RBFOX1: variants seen among roughly 807,000 people sequenced by gnomAD.
RBFOX1 encodes RNA binding fox-1 homolog 1.
RBFOX1 carries 8 observed loss-of-function variants against 57.7 expected under a neutral mutation model. The ratio of observed to expected loss-of-function variants is 0.14; its 90% confidence interval spans 0.08 to 0.25. The LOEUF is 0.25. RBFOX1 is among the 10% of genes least tolerant of loss of function. RBFOX1 has a pLI of 1.00. For missense variants in RBFOX1, 611 were observed against 548.5 expected (o/e 1.11, Z -1.14); for synonymous variants, 326 against 222.4 (o/e 1.47, Z -4.15).
chr16:6,175,154 G>A (rs72774564), intron 1 of RBFOX1, among the ~76,000 whole-genome samples: 5,541 of 152,238 alleles, frequency 0.036, 141 homozygotes, highest in Admixed American at 0.078. Context: ...CTGTGAGTCC[G>A]TGACTACAGC....
intron 4 of RBFOX1, among the ~76,000 whole-genome samples, chr16:7,396,491 T>C (rs2098141144): frequency 2.0e-5 from 3 of 152,320 alleles, no homozygotes; most frequent in African/African-American, 7.2e-5. Flanking sequence ...ACGTCCTGAT[T>C]CATAAGTGGA....
At chr16:6,965,806 A>G (rs904948902) in intron 3 of RBFOX1, among the ~76,000 whole-genome samples, 1 of 152,142 alleles carries the variant, frequency 6.6e-6, no homozygotes, top group Non-Finnish European at 1.5e-5. Flanking sequence ...TTCATTAGTC[A>G]GTCTTTTAAT....
At chr16:5,622,236 A>G (rs192713947) in intron 3 of RBFOX1, among the ~76,000 whole-genome samples, 22 of 152,310 alleles carry the variant, frequency 1.4e-4, no homozygotes, top group Admixed American at 1.4e-3. Flanking sequence ...TATGATGCCA[A>G]AGCTCCAAGT....
chr16:6,609,468 C>G (rs572310665), intron 2 of RBFOX1, among the ~76,000 whole-genome samples: 21 of 152,150 alleles, frequency 1.4e-4, no homozygotes, highest in African/African-American at 4.6e-4. Flanking sequence ...CTCAGCCTCC[C>G]GAGTAACTGG....
At chr16:5,917,064 C>CT (rs2058719813) in intron 4 of RBFOX1, among the ~76,000 whole-genome samples, 1 of 152,126 alleles carries the variant, frequency 6.6e-6, no homozygotes, top group Non-Finnish European at 1.5e-5. Context: ...TCACCGCACC[C>CT]TGCAGGCGTG....
intron 4 of RBFOX1, among the ~76,000 whole-genome samples, chr16:7,145,437 C>T (rs1426804123): frequency 6.6e-6 from 1 of 152,166 alleles, no homozygotes; most frequent in Non-Finnish European, 1.5e-5. Flanking sequence ...GAACTCCTGA[C>T]TTGAAGTGAT....
chr16:6,275,434 T>G (rs2075698823), intron 1 of RBFOX1, among the ~76,000 whole-genome samples: 1 of 152,208 alleles, frequency 6.6e-6, no homozygotes, highest in African/African-American at 2.4e-5. Context: ...TTCAGAATGT[T>G]TTCACACACC....
At chr16:7,461,173 C>T (rs561381295) in intron 4 of RBFOX1, among the ~76,000 whole-genome samples, 1 of 149,780 alleles carries the variant, frequency 6.7e-6, no homozygotes, top group African/African-American at 2.5e-5. Flanking sequence ...AAAGGCAAAA[C>T]AATTTTTTTT....
chr16:7,448,198 A>G (rs2098823349), intron 4 of RBFOX1, among the ~76,000 whole-genome samples: 1 of 152,228 alleles, frequency 6.6e-6, no homozygotes, highest in African/African-American at 2.4e-5. Context: ...TTAAAATAAC[A>G]GAAACTTATT....
At chr16:5,680,895 G>T (rs531712710) in intron 3 of RBFOX1, among the ~76,000 whole-genome samples, 1 of 87,366 alleles carries the variant, frequency 1.1e-5, no homozygotes, top group Non-Finnish European at 2.3e-5. Flanking sequence ...GCTTGTATTT[G>T]TGTGTGTGTG....
In RBFOX1 at chr16:7,033,892, C is replaced by T. The variant is rs1469680305; in HGVS notation, c.-15-18165C>T. ...GCTGGGGCAGGAGGATTATTTGAGC[C>T]TGGGAAGTTCAAGCTGCAGTGAGCT... On this transcript the variant is annotated intron_variant, in intron 3 of 15. Transcript: ENST00000550418. Among the ~76,000 whole-genome samples, 5 of 152,302 alleles carry T rather than the reference C, an allele frequency of 3.3e-5. 1 individual carries two copies. Among genetic ancestry groups the T allele is most frequent in the Middle Eastern group, 6.8e-3 (2 of 294 alleles).
chr16:7,224,248 C>G lies in RBFOX1; in HGVS notation c.27+172150C>G, dbSNP rs375592217. 1.0e-4 allele frequency among the ~76,000 whole-genome samples: 15 copies of G among 146,978 alleles called. No homozygotes were observed. In the East Asian group the frequency reaches 3.1e-3, roughly 30 times the overall value. The stretch of plus-strand genomic sequence containing the variant: ...TGCCATTCCAGTTATAAAATGGCTT[C>G]TTTTAGTCATCGTACAAGCCAGCAG... On this transcript the variant is annotated intron_variant, in intron 4 of 15. Coordinates refer to ENST00000550418, the MANE Select transcript of RBFOX1 (RefSeq NM_018723.4).
At chr16:7,028,283 C>T (rs1431705899) in intron 3 of RBFOX1, among the ~76,000 whole-genome samples, 1 of 152,110 alleles carries the variant, frequency 6.6e-6, no homozygotes, top group Non-Finnish European at 1.5e-5. Context: ...CAAATTGGCA[C>T]ACAGTTCATG....
At chr16:6,106,133 A>C (rs2096375467) in intron 1 of RBFOX1, among the ~76,000 whole-genome samples, 1 of 152,074 alleles carries the variant, frequency 6.6e-6, no homozygotes, top group Non-Finnish European at 1.5e-5. Context: ...TAAGGATTGA[A>C]ATTGTCTGTA....
At chr16:6,181,705 C>G (rs920686874) in intron 1 of RBFOX1, among the ~76,000 whole-genome samples, 1 of 152,046 alleles carries the variant, frequency 6.6e-6, no homozygotes, top group Non-Finnish European at 1.5e-5. Flanking sequence ...AAACTTTACC[C>G]ACAGCACTAT....
At chr16:6,832,073 A>C (rs1469377358) in intron 3 of RBFOX1, among the ~76,000 whole-genome samples, 2 of 152,234 alleles carry the variant, frequency 1.3e-5, no homozygotes, top group African/African-American at 4.8e-5. Flanking sequence ...TTAATCAACC[A>C]TTTGTAGACA....
chr16:5,384,541 A>T (rs566959068), intron 1 of RBFOX1, among the ~76,000 whole-genome samples: 1 of 152,318 alleles, frequency 6.6e-6, no homozygotes, highest in African/African-American at 2.4e-5. Context: ...AGGGACAATC[A>T]AGGTAGAGCA....
At chr16:6,879,178 C>T (rs914369271) in intron 3 of RBFOX1, among the ~76,000 whole-genome samples, 2 of 152,110 alleles carry the variant, frequency 1.3e-5, no homozygotes, top group Non-Finnish European at 2.9e-5. Context: ...AATATCAGCC[C>T]TTTTAATAAG....
rs140116848 is a variant in RBFOX1 at position 6,607,660 on chromosome 16, C to T, written c.-63-46943C>T. On this transcript the variant is annotated intron_variant, in intron 2 of 15. Transcript: ENST00000550418. ...CTCTCCTCTCTCTTTCTGTCTTCTTCCCTCTCTGTATTATGTCTGCCTATG... is the reference window on the plus strand; with the variant it reads ...CTCTCCTCTCTCTTTCTGTCTTCTTTCCTCTCTGTATTATGTCTGCCTATG... 4.2e-3 allele frequency among the ~76,000 whole-genome samples: 638 copies of T among 151,996 alleles called. 7 individuals are homozygous for T. The highest frequency in any genetic ancestry group is 0.014 in the African/African-American group (589 of 41,438).
Sources: gnomAD v4.1 joint callset for allele counts (sites outside exome capture counted in the v4.1 genomes callset) on GRCh38, gnomAD v4.1.1 for gene constraint, MANE v1.5 for transcripts, NCBI Gene and HGNC (gene_info 2026-07-23, HGNC 2026-07-21) for gene names.